Variants in PACS2 observed in about 807,000 individuals in gnomAD.
PACS2 encodes the protein PACS1-like protein.
In PACS2, 36 loss-of-function variants were observed where a neutral mutation model predicts 113.0. The ratio of observed to expected loss-of-function variants is 0.32; its 90% CI spans 0.24 to 0.42. The LOEUF (loss-of-function observed/expected upper bound fraction) is 0.42, where lower values mean the gene tolerates loss of function less well. Ranked by LOEUF, PACS2 falls within the 10% of genes least tolerant of loss-of-function variation. The pLI, the probability that PACS2 is intolerant of heterozygous loss-of-function variation, is 1.00. For synonymous variants in PACS2, 589 were observed against 536.1 expected, an observed-to-expected ratio of 1.10 and a Z score of -1.36; for missense variants, 1,015 against 1,239.5, an observed-to-expected ratio of 0.82 and a Z score of 2.72.
intron 13 of PACS2, 85 bp from the exon 14 acceptor site, chr14:105,382,392 G>A (rs2081025238): frequency 4.8e-6 from 4 of 828,030 alleles, no homozygotes; most frequent in Non-Finnish European, 8.3e-6. Flanking sequence ...AGGGGGAGCA[G>A]GGGCACTGCA....
At chr14:105,362,232 C>G (rs587739885) in intron 4 of PACS2, among the ~76,000 whole-genome samples, 1 of 150,398 alleles carries the variant, frequency 6.6e-6, no homozygotes, top group Non-Finnish European at 1.5e-5. Flanking sequence ...TCCTGGCTAA[C>G]ACAGTGAAAC....
chr14:105,348,361 CGCCCAGGCAG>C lies in PACS2; in HGVS notation c.120-131_120-122del, dbSNP rs1555403112. The C allele has an allele frequency of 1.1e-3, 699 of 636,766 alleles. 6 individuals are homozygous for C. In the East Asian group the frequency reaches 0.017, roughly 16 times the overall value. The allele number at this position is 636,766 out of a possible 1,614,324, so 39.4% of individuals were successfully genotyped here. A position where few individuals can be genotyped will look rare whatever the true frequency, so the allele number is the denominator to read the frequency against. ...TTGGAGCCCTGTGAGGTCCTGGGGCCGCCCAGGCAGTCACACCCCGCCCTGCACCCCAGGG... is the reference window on the plus strand; with the variant it reads ...TTGGAGCCCTGTGAGGTCCTGGGGCCTCACACCCCGCCCTGCACCCCAGGG... On this transcript the variant is annotated intron_variant, in intron 1 of 24. Transcript: ENST00000447393. The surrounding 1 kb of genome is among the most constrained non-coding windows in gnomAD (Gnocchi z 6.4).
At chr14:105,307,376 C>T (rs1243308248) in intron 1 of PACS2, among the ~76,000 whole-genome samples, 1 of 152,166 alleles carries the variant, frequency 6.6e-6, no homozygotes, top group Non-Finnish European at 1.5e-5. Context: ...TGACCCAGTT[C>T]TAATTCTGCT....
Position 105,355,250 on chromosome 14 carries a change from G to A in PACS2, c.423+73G>A. 6.6e-7 allele frequency: 1 copy of A among 1,513,254 alleles called. No homozygotes were observed. The highest frequency in any genetic ancestry group is 9.0e-7 in the Non-Finnish European group (1 of 1,115,620). The allele number at this position is 1,513,254 out of a possible 1,614,324, so 93.7% of individuals were successfully genotyped here. A position where few individuals can be genotyped will look rare whatever the true frequency, so the allele number is the denominator to read the frequency against. ...GCCAGAGCATTCGCCCGTGGGAGATGGAGATGTCTCTCCCGGGTCCAGATG... is the reference window on the plus strand; with the variant it reads ...GCCAGAGCATTCGCCCGTGGGAGATAGAGATGTCTCTCCCGGGTCCAGATG... On this transcript the variant is annotated intron_variant, in intron 4 of 24. Coordinates refer to ENST00000447393, the MANE Select transcript of PACS2 (RefSeq NM_001100913.3). The surrounding 1 kb of genome is among the most constrained non-coding windows in gnomAD (Gnocchi z 4.1).
intron 21 of PACS2, 135 bp from the exon 22 acceptor site, chr14:105,391,496 A>T: frequency 1.3e-6 from 1 of 776,846 alleles, no homozygotes; most frequent in Non-Finnish European, 2.0e-6. Flanking sequence ...CCCGTCTCTC[A>T]CAGGCCACTG....
chr14:105,383,568 C>T (rs1452399830), intron 16 of PACS2, 55 bp downstream of exon 16: 25 of 1,518,730 alleles, frequency 1.6e-5, no homozygotes, highest in East Asian at 2.3e-5. Flanking sequence ...GGCAGTGTGG[C>T]GTGGCATGGA....
At chr14:105,390,774 C>G (rs2081329027) in intron 20 of PACS2, 1 of 242,398 alleles carries the variant, frequency 4.1e-6, no homozygotes, top group Non-Finnish European at 8.1e-6. Context: ...ACACTGTGCT[C>G]GGGCACACAG....
At chr14:105,387,867 G>A (rs587747650) in intron 19 of PACS2, among the ~76,000 whole-genome samples, 1 of 151,960 alleles carries the variant, frequency 6.6e-6, no homozygotes, top group East Asian at 1.9e-4. Context: ...GCCACCACCT[G>A]TCTTCTGTGC....
intron 1 of PACS2, among the ~76,000 whole-genome samples, chr14:105,319,489 G>T (rs891291659): frequency 1.3e-5 from 2 of 152,168 alleles, no homozygotes; most frequent in African/African-American, 4.8e-5. Flanking sequence ...GTAAAAGTCA[G>T]CTTTTTATTA....
At chr14:105,378,323 C>A (rs1427584119) in intron 9 of PACS2, among the ~76,000 whole-genome samples, 2 of 152,214 alleles carry the variant, frequency 1.3e-5, no homozygotes, top group African/African-American at 4.8e-5. Flanking sequence ...TGAATGGGCA[C>A]ACACAGCAGC....
chr14:105,363,689 G>C (rs1405842698), intron 4 of PACS2, among the ~76,000 whole-genome samples: 1 of 152,200 alleles, frequency 6.6e-6, no homozygotes, highest in Non-Finnish European at 1.5e-5. Flanking sequence ...CGCTGGAGCA[G>C]CGATTTTCCT....
At position 105,355,438 on chromosome 14, in the gene PACS2, T is replaced by C. The variant is rs2060402723; in HGVS notation, c.423+261T>C. On this transcript the variant is annotated intron_variant, in intron 4 of 24. Coordinates refer to ENST00000447393, the MANE Select transcript of PACS2 (RefSeq NM_001100913.3). The surrounding 1 kb of genome is among the most constrained non-coding windows in gnomAD (Gnocchi z 4.1). ...CGCGCACTCCCCTCTAACGAGCCTG[T>C]CCTGCCCTTCAGTGGAGGCTGGGTT... 2.0e-5 allele frequency among the ~76,000 whole-genome samples: 3 copies of C among 152,240 alleles called. No homozygotes were observed. The highest frequency in any genetic ancestry group is 1.3e-4 in the Admixed American group (2 of 15,284).
intron 1 of PACS2, among the ~76,000 whole-genome samples, chr14:105,306,940 T>TG: frequency 6.6e-6 from 1 of 152,022 alleles, no homozygotes; most frequent in South Asian, 2.1e-4. Flanking sequence ...TTTGACATCT[T>TG]GGGGTCTCGT....
chr14:105,307,867 T>G lies in PACS2; in HGVS notation c.-83+6888T>G, dbSNP rs141859169. ...CAACTCGAGTGAGACTTGGTGAGGC[T>G]CCAGTCCACCTTCCACCACAGAAGT... On this transcript the variant is annotated intron_variant, in intron 1 of 23. Coordinates refer to the PACS2 transcript ENST00000430725. Among the ~76,000 whole-genome samples the G allele has an allele frequency of 4.5e-3, 690 of 152,234 alleles. 9 individuals are homozygous for G. Among genetic ancestry groups the G allele is most frequent in the African/African-American group, 0.015 (634 of 41,554 alleles).
chr14:105,374,197 C>T (rs1445557911), intron 8 of PACS2, among the ~76,000 whole-genome samples: 1 of 151,216 alleles, frequency 6.6e-6, no homozygotes. Context: ...ATATCTCCAT[C>T]TGTGAGCTAA....
rs143806547 is a variant in PACS2, at chr14:105,390,416, C to T, written c.2076+413C>T. ...GCTGCAGCCTGCAGTGTGTGGGTTT[C>T]ACTTCCTGCCCTGCCCAGGGTTAGG... On this transcript the variant is annotated intron_variant, in intron 20 of 24. Transcript: ENST00000447393. 3.0e-3 allele frequency: 699 copies of T among 235,440 alleles called. 1 individual carries two copies. Among genetic ancestry groups the T allele is most frequent in the Admixed American group, 4.6e-3 (98 of 21,222 alleles). The allele number at this position is 235,440 out of a possible 1,614,324, so 14.6% of individuals were successfully genotyped here. A position where few individuals can be genotyped will look rare whatever the true frequency, so the allele number is the denominator to read the frequency against.
At chr14:105,320,538 T>C (rs1327730760) in intron 1 of PACS2, among the ~76,000 whole-genome samples, 5 of 152,124 alleles carry the variant, frequency 3.3e-5, no homozygotes, top group African/African-American at 1.2e-4. Context: ...AGATGGGGTC[T>C]CACTATGTTG....
intron 1 of PACS2, among the ~76,000 whole-genome samples, chr14:105,345,385 C>A (rs1233979968): frequency 3.3e-5 from 5 of 151,884 alleles, no homozygotes; most frequent in Non-Finnish European, 7.4e-5. Context: ...CCAGCCTGGG[C>A]AACAGAGCGA....
intron 1 of PACS2, among the ~76,000 whole-genome samples, chr14:105,322,691 T>C (rs936892984): frequency 1.3e-5 from 2 of 152,256 alleles, no homozygotes; most frequent in Non-Finnish European, 2.9e-5. Context: ...ATTTTGTTAC[T>C]GTGTATCTTA....
Sources: allele counts gnomAD v4.1 joint callset (sites outside exome capture counted in the v4.1 genomes callset), GRCh38; gene constraint gnomAD v4.1.1; non-coding constraint Gnocchi (gnomAD v3.1); transcripts MANE v1.5; gene names NCBI Gene and HGNC (gene_info 2026-07-23, HGNC 2026-07-21).